Variants in PON2 observed in about 807,000 individuals in gnomAD.
PON2 encodes the protein serum paraoxonase/arylesterase 2.
A neutral mutation model predicts 36.6 loss-of-function variants in PON2; 27 were observed. That is an observed-to-expected ratio of 0.74 (90% CI 0.54 to 1.02). The LOEUF (loss-of-function observed/expected upper bound fraction) is 1.02, where lower values mean the gene tolerates loss of function less well. PON2 is among the 50% of genes least tolerant of loss of function. PON2 has a pLI of 0.00. For missense variants in PON2, 363 were observed against 421.1 expected (o/e 0.86, Z 1.21); for synonymous variants, 149 against 156.3 (o/e 0.95, Z 0.35).
At chr7:95,421,310 G>C (rs1789187229) in intron 2 of PON2, among the ~76,000 whole-genome samples, 1 of 152,226 alleles carries the variant, frequency 6.6e-6, no homozygotes, top group Non-Finnish European at 1.5e-5. Context: ...AACATGGCTG[G>C]TTGTGCCCTA....
intron 1 of PON2, among the ~76,000 whole-genome samples, chr7:95,433,191 G>A (rs17876063): frequency 1.7e-3 from 264 of 152,140 alleles, no homozygotes; most frequent in Middle Eastern, 6.8e-3. Context: ...TAATTATAAC[G>A]AAAAATCTCT....
intron 2 of PON2, among the ~76,000 whole-genome samples, chr7:95,422,089 G>A (rs1789207232): frequency 6.6e-6 from 1 of 152,166 alleles, no homozygotes; most frequent in Non-Finnish European, 1.5e-5. Context: ...GATGTTCACT[G>A]ATTTGTTCAT....
intron 5 of PON2, 62 bp from the exon 6 acceptor site, chr7:95,410,163 TTAAGTACTCA>T (rs1343671449): frequency 7.4e-7 from 1 of 1,347,842 alleles, no homozygotes; most frequent in Non-Finnish European, 1.0e-6. Context: ...ATATTAAATA[TTAAGTACTCA>T]TAAGATTTAT....
chr7:95,434,842 G>GTGCC, intron 1 of PON2, 36 bp downstream of exon 1: 1 of 1,533,338 alleles, frequency 6.5e-7, no homozygotes, highest in Non-Finnish European at 8.7e-7. Flanking sequence ...CGAGCCTGGG[G>GTGCC]ACCGCCGAGG....
At chr7:95,406,035 C>A in intron 8 of PON2, 84 bp downstream of exon 8, 1 of 1,464,468 alleles carries the variant, frequency 6.8e-7, no homozygotes, top group Middle Eastern at 1.9e-4. Flanking sequence ...AATAACTAAA[C>A]AAATCATCCC....
At chr7:95,407,488 T>G (rs954521399) in intron 6 of PON2, among the ~76,000 whole-genome samples, 33 of 152,204 alleles carry the variant, frequency 2.2e-4, no homozygotes, top group African/African-American at 7.7e-4. Context: ...TTCCTTAATA[T>G]TCAATAAAAT....
At chr7:95,411,290 T>C (rs1304415869) in intron 5 of PON2, among the ~76,000 whole-genome samples, 1 of 152,132 alleles carries the variant, frequency 6.6e-6, no homozygotes, top group Non-Finnish European at 1.5e-5. Flanking sequence ...AAGACACTCA[T>C]CTGGGTGATG....
chr7:95,408,402 C>T (rs1430728423), intron 6 of PON2, among the ~76,000 whole-genome samples: 1 of 152,146 alleles, frequency 6.6e-6, no homozygotes, highest in Non-Finnish European at 1.5e-5. Flanking sequence ...GAAGGAGGCA[C>T]AGGTAGAACC....
intron 1 of PON2, among the ~76,000 whole-genome samples, chr7:95,431,661 C>T (rs1339873408): frequency 1.3e-5 from 2 of 152,000 alleles, no homozygotes; most frequent in Non-Finnish European, 2.9e-5. Context: ...CTCTAGTGAT[C>T]TGCCCGCCTC....
intron 2 of PON2, among the ~76,000 whole-genome samples, chr7:95,422,781 A>G (rs770297375): frequency 2.6e-5 from 4 of 152,202 alleles, no homozygotes; most frequent in Non-Finnish European, 5.9e-5. Flanking sequence ...GTTGTAAAGG[A>G]CTAGAAGTGA....
At chr7:95,412,187 G>T in intron 4 of PON2, 125 bp downstream of exon 4, 1 of 1,294,408 alleles carries the variant, frequency 7.7e-7, no homozygotes, top group Non-Finnish European at 1.1e-6. Flanking sequence ...TTGTAATGAA[G>T]AATACAGAAA....
intron 2 of PON2, chr7:95,424,196 A>G: frequency 2.7e-6 from 1 of 372,296 alleles, no homozygotes; most frequent in East Asian, 6.1e-5. Flanking sequence ...CAAGGCTCAC[A>G]GAACACAGAC....
Position 95,434,961 on chromosome 7 carries a change from G to C in PON2, c.-10C>G. On this transcript the variant is annotated 5_prime_UTR_variant, in exon 1 of 9. Coordinates refer to ENST00000222572, the MANE Select transcript of PON2 (RefSeq NM_000305.3). ...CCACCAGCCGCCCCATGGCGCGGGA[G>C]CCGGGCGCGCTGCCTCGCTCCGGCC... The C allele has an allele frequency of 6.6e-7, 1 of 1,523,456 alleles. No homozygotes were observed. Among genetic ancestry groups the C allele is most frequent in the Non-Finnish European group, 8.8e-7 (1 of 1,140,534 alleles). The allele number at this position is 1,523,456 out of a possible 1,614,324, so 94.4% of individuals were successfully genotyped here.
intron 3 of PON2, chr7:95,415,749 T>G: frequency 1.1e-5 from 2 of 175,790 alleles, no homozygotes; most frequent in Non-Finnish European, 2.5e-5. Context: ...GTCAGGTGTT[T>G]GAGACCAGCC....
intron 1 of PON2, among the ~76,000 whole-genome samples, chr7:95,432,630 A>G (rs779110664): frequency 5.3e-5 from 8 of 152,234 alleles, no homozygotes; most frequent in Non-Finnish European, 5.9e-5. Context: ...ACAACATAAT[A>G]AGCTTGTGAA....
At position 95,406,198 on chromosome 7, in the gene PON2, G is replaced by C. The variant is rs371244246; in HGVS notation, c.827C>G (p.Ser276Trp). The C allele has an allele frequency of 6.2e-7, 1 of 1,612,352 alleles. No individual in the cohort carries two copies. The highest frequency in any genetic ancestry group is 1.7e-5 in the Admixed American group (1 of 59,990). The change falls in exon 8 of 9, where the codon TCG (serine) becomes TGG (tryptophan). Residue 276 changes from serine (S) to tryptophan (W), a missense_variant. Ser to Trp is a radical substitution (Grantham distance 177). Coordinates refer to ENST00000222572, the MANE Select transcript of PON2 (RefSeq NM_000305.3). ...LVDNLSIDPS[S>W]GDIWVGCHPN... ...ATGACAGCCTACCCAGATGTCCCCC[G>C]AGGAAGGATCAATAGATAAATTATC...
At chr7:95,412,812 G>A in intron 3 of PON2, 5 of 371,130 alleles carry the variant, frequency 1.3e-5, no homozygotes, top group Admixed American at 1.2e-4. Context: ...CTAGATCCCA[G>A]TGCCTGGAAC....
At chr7:95,427,136 T>C (rs190457042) in intron 1 of PON2, among the ~76,000 whole-genome samples, 16 of 152,300 alleles carry the variant, frequency 1.1e-4, no homozygotes, top group African/African-American at 3.4e-4. Context: ...TTAACTAATT[T>C]TTTTCTTGGC....
At chr7:95,434,159 A>G (rs1202309510) in intron 1 of PON2, 1 of 152,272 alleles carries the variant, frequency 6.6e-6, no homozygotes, top group Non-Finnish European at 1.5e-5. Flanking sequence ...GAGTTAGGGA[A>G]CAGCCTGGGC....
Sources: allele counts gnomAD v4.1 joint callset (sites outside exome capture counted in the v4.1 genomes callset), GRCh38; gene constraint gnomAD v4.1.1; transcripts MANE v1.5; gene names NCBI Gene and HGNC (gene_info 2026-07-23, HGNC 2026-07-21).